Variants in DACH2 observed in about 807,000 individuals in gnomAD.
DACH2 encodes dachshund family transcription factor 2, also known as dachshund homolog 2.
Under a neutral mutation model 35.8 loss-of-function variants are expected in DACH2, and 17 were observed. The observed-to-expected ratio is 0.48, with a 90% CI of 0.33 to 0.71. DACH2 has a LOEUF of 0.71. Among genes scored for constraint, DACH2 ranks in the 30% least tolerant of loss-of-function variants. DACH2 has a pLI of 0.02. For missense variants in DACH2, 469 were observed against 472.7 expected (o/e 0.99, Z 0.07); for synonymous variants, 195 against 177.3 (o/e 1.10, Z -0.79).
At chrX:86,302,091 T>C (rs1330955211) in intron 1 of DACH2, among the ~76,000 whole-genome samples, 1 of 111,686 alleles carries the variant, frequency 9.0e-6, no homozygotes, top group Non-Finnish European at 1.9e-5. Flanking sequence ...AAGAAAAAAA[T>C]GAAAGGAAAA....
At chrX:86,394,337 G>A (rs1172914523) in intron 2 of DACH2, among the ~76,000 whole-genome samples, 1 of 110,960 alleles carries the variant, frequency 9.0e-6, no homozygotes, top group African/African-American at 3.3e-5. Context: ...AGGTATTATA[G>A]TTGACTCAGA....
intron 2 of DACH2, among the ~76,000 whole-genome samples, chrX:86,491,384 G>A (rs1305954649): frequency 9.0e-6 from 1 of 111,674 alleles, no homozygotes; most frequent in Non-Finnish European, 1.9e-5. Context: ...GAAATACAAG[G>A]ACCTCTAATT....
intron 1 of DACH2, among the ~76,000 whole-genome samples, chrX:86,326,028 T>A (rs971282810): frequency 4.5e-5 from 5 of 111,437 alleles, no homozygotes; most frequent in Admixed American, 1.9e-4. Context: ...TCTATCAAGT[T>A]TTTGCATGCA....
intron 1 of DACH2, among the ~76,000 whole-genome samples, chrX:86,326,679 C>A (rs1021731249): frequency 3.6e-5 from 4 of 111,061 alleles, no homozygotes; most frequent in African/African-American, 1.3e-4. Flanking sequence ...TCTTCTCTTG[C>A]CCTTCTCCCT....
intron 3 of DACH2, among the ~76,000 whole-genome samples, chrX:86,590,790 A>T (rs7061256): frequency 0.39 from 43,375 of 109,904 alleles, 7,661 homozygotes; most frequent in African/African-American, 0.69. Context: ...GGTATCTCGC[A>T]GTTTTATTTA....
intron 1 of DACH2, among the ~76,000 whole-genome samples, chrX:86,309,455 CAGGG>C (rs2034754720): frequency 9.4e-6 from 1 of 106,275 alleles, no homozygotes. Flanking sequence ...TGTCCTACCA[CAGGG>C]GTATCTCTAC....
Position 86,416,859 on chromosome X carries a change from A to G in DACH2, c.527+39997A>G, listed in dbSNP as rs372671253. Among the ~76,000 whole-genome samples, 30 of 110,032 alleles carry G rather than the reference A, an allele frequency of 2.7e-4. No homozygotes were observed. In the East Asian group the frequency reaches 3.5e-3, roughly 13 times the overall value. On this transcript the variant is annotated intron_variant, in intron 2 of 11. Transcript: ENST00000373125. Reference sequence around the variant, plus strand: ...CACGTCTGTAATCCCAGAACTTTGAAAGCCCAAGGTGGGTGGATCACCTGA... The same window carrying G: ...CACGTCTGTAATCCCAGAACTTTGAGAGCCCAAGGTGGGTGGATCACCTGA...
chrX:86,618,338 C>A lies in DACH2; in HGVS notation c.641-32698C>A, dbSNP rs770222853. The stretch of plus-strand genomic sequence containing the variant: ...TGAATATTATTTTGGTGATTCAGTG[C>A]AAAATATACTATAATATGTTTGTTT... On this transcript the variant is annotated intron_variant, in intron 3 of 11. Transcript: ENST00000373125. Among the ~76,000 whole-genome samples the A allele has an allele frequency of 3.6e-5, 4 of 111,799 alleles. No individual in the cohort carries two copies. The South Asian group carries it at 1.5e-3, about 41-fold the overall frequency.
At chrX:86,418,027 G>A (rs759834617) in intron 2 of DACH2, among the ~76,000 whole-genome samples, 1 of 111,491 alleles carries the variant, frequency 9.0e-6, no homozygotes, top group Non-Finnish European at 1.9e-5. Flanking sequence ...ATCTAGCAGG[G>A]CAGTCAAATC....
intron 6 of DACH2, among the ~76,000 whole-genome samples, chrX:86,733,789 T>C (rs1489552849): frequency 9.0e-6 from 1 of 111,391 alleles, no homozygotes; most frequent in Non-Finnish European, 1.9e-5. Context: ...AATGAATTGA[T>C]AGGAAATGGT....
chrX:86,222,021 C>T (rs1423192430), intron 1 of DACH2, among the ~76,000 whole-genome samples: 2 of 111,948 alleles, frequency 1.8e-5, no homozygotes, highest in Non-Finnish European at 3.8e-5. Flanking sequence ...GGATTAGAGC[C>T]ACCATTCTTA....
chrX:86,444,300 G>T (rs1602526115), intron 2 of DACH2, among the ~76,000 whole-genome samples: 1 of 110,843 alleles, frequency 9.0e-6, no homozygotes, highest in East Asian at 2.8e-4. Context: ...ATGTTGCCCA[G>T]GCTGATCTCA....
intron 3 of DACH2, among the ~76,000 whole-genome samples, chrX:86,578,719 G>T (rs543808262): frequency 5.4e-5 from 6 of 111,690 alleles, no homozygotes; most frequent in African/African-American, 9.7e-5. Context: ...GAATGAAGTT[G>T]CTGTAAAAAT....
intron 7 of DACH2, among the ~76,000 whole-genome samples, chrX:86,793,125 G>A (rs2042202704): frequency 9.0e-6 from 1 of 110,818 alleles, no homozygotes; most frequent in Non-Finnish European, 1.9e-5. Context: ...GTGATGTGGA[G>A]CCTTTTTTAT....
intron 3 of DACH2, among the ~76,000 whole-genome samples, chrX:86,535,581 A>G (rs1032539103): frequency 9.0e-6 from 1 of 111,269 alleles, no homozygotes; most frequent in Non-Finnish European, 1.9e-5. Flanking sequence ...CTGTAGCAAT[A>G]AGATACCAAC....
At chrX:86,720,584 C>A (rs1487340327) in intron 6 of DACH2, among the ~76,000 whole-genome samples, 2 of 112,389 alleles carry the variant, frequency 1.8e-5, no homozygotes, top group Non-Finnish European at 3.8e-5. Flanking sequence ...GGAAGCTCTG[C>A]CCCTGTGTCT....
chrX:86,798,916 G>A lies in DACH2; in HGVS notation c.1241-13940G>A, dbSNP rs1325786689. On this transcript the variant is annotated intron_variant, in intron 7 of 11. Transcript: ENST00000373125. ...TGTATCTCTAAGTGCTTCCATAATT[G>A]ACTGGAACATCTTAGGCTACTGGTA... 17 of 164,283 alleles carry A rather than the reference G, an allele frequency of 1.0e-4. No individual in the cohort carries two copies. The Admixed American group carries it at 1.4e-3, about 14-fold the overall frequency. 13.5% of individuals were successfully genotyped at this position (164,283 alleles called of 1,213,427 possible). A position where few individuals can be genotyped will look rare whatever the true frequency, so the allele number is the denominator to read the frequency against.
chrX:86,276,260 G>T (rs1238623863), intron 1 of DACH2, among the ~76,000 whole-genome samples: 1 of 112,030 alleles, frequency 8.9e-6, no homozygotes, highest in Non-Finnish European at 1.9e-5. Flanking sequence ...TTGTAGTTTT[G>T]ATTTGCATTT....
intron 3 of DACH2, among the ~76,000 whole-genome samples, chrX:86,578,656 G>A (rs1330691434): frequency 9.0e-6 from 1 of 111,728 alleles, no homozygotes; most frequent in Non-Finnish European, 1.9e-5. Context: ...CTATAGTTAA[G>A]CCTTTCACCT....
Sources: gnomAD v4.1 joint callset for allele counts (sites outside exome capture counted in the v4.1 genomes callset) on GRCh38, gnomAD v4.1.1 for gene constraint, MANE v1.5 for transcripts, NCBI Gene and HGNC (gene_info 2026-07-23, HGNC 2026-07-21) for gene names.